Variants in PCDHGB2 observed in about 807,000 individuals in gnomAD.
The protein encoded by PCDHGB2 is protocadherin gamma-B2.
Under a neutral mutation model 59.3 loss-of-function variants are expected in PCDHGB2, and 55 were observed. The ratio of observed to expected loss-of-function variants is 0.93; its 90% CI spans 0.75 to 1.16. The LOEUF (loss-of-function observed/expected upper bound fraction) is 1.16. Among genes scored for constraint, PCDHGB2 ranks in the 50% most tolerant of loss-of-function variants. The probability of loss-of-function intolerance (pLI) is 0.00; values close to 1 mark genes in which losing one functional copy is unlikely to be tolerated. For missense variants in PCDHGB2, 1,228 were observed against 1,198.5 expected, an observed-to-expected ratio of 1.02 and a Z score of -0.36; for synonymous variants, 516 against 512.0, an observed-to-expected ratio of 1.01 and a Z score of -0.11.
intron 2 of PCDHGB2, among the ~76,000 whole-genome samples, chr5:141,495,430 C>A (rs1189953474): frequency 6.6e-6 from 1 of 152,220 alleles, no homozygotes; most frequent in Non-Finnish European, 1.5e-5. Context: ...TCCCACTGTC[C>A]TCTGCCCCTA....
At chr5:141,418,621 C>G (rs765634746) in intron 1 of PCDHGB2, 2 of 1,613,916 alleles carry the variant, frequency 1.2e-6, no homozygotes, top group Non-Finnish European at 1.7e-6. Flanking sequence ...TTCGGGAAGA[C>G]GTGCCTCCAG....
At chr5:141,367,065 T>C (rs1054536052) in intron 1 of PCDHGB2, 27 of 305,946 alleles carry the variant, frequency 8.8e-5, no homozygotes, top group African/African-American at 6.0e-4. Context: ...TTTTATTTAT[T>C]CAAATTGTTA....
intron 1 of PCDHGB2, chr5:141,423,625 A>G (rs375112361): frequency 1.6e-5 from 25 of 1,606,754 alleles, no homozygotes; most frequent in Admixed American, 6.8e-5. Flanking sequence ...AGACTCAGCT[A>G]TCATTTTAGG....
rs755321974 is a variant in PCDHGB2 at position 141,365,861 on chromosome 5, A to G, written c.2421+3305A>G. ...CTCCTATGTATCCATTAACTCTGAC[A>G]CCGGTGTCCTGTATGCTCTGAGATC... On this transcript the variant is annotated intron_variant, in intron 1 of 3. Coordinates refer to ENST00000522605, the MANE Select transcript of PCDHGB2 (RefSeq NM_018923.3). The G allele has an allele frequency of 2.5e-5, 40 of 1,613,912 alleles. No individual in the cohort carries two copies. The highest frequency in any genetic ancestry group is 1.6e-4 in the Middle Eastern group (1 of 6,084).
chr5:141,394,419 G>A, intron 1 of PCDHGB2: 1 of 1,614,224 alleles, frequency 6.2e-7, no homozygotes, highest in Non-Finnish European at 8.5e-7. Context: ...AACAGCCAGC[G>A]ACAGCGGGGA....
At chr5:141,504,709 C>G (rs11743102) in intron 2 of PCDHGB2, among the ~76,000 whole-genome samples, 29,287 of 151,306 alleles carry the variant, frequency 0.19, 2,876 homozygotes, top group Middle Eastern at 0.24. Context: ...CTTCTATGGC[C>G]GTGGATTTTA....
At chr5:141,399,656 T>G in intron 1 of PCDHGB2, 1 of 1,613,694 alleles carries the variant, frequency 6.2e-7, no homozygotes, top group Non-Finnish European at 8.5e-7. Context: ...AGTGGGGTGG[T>G]GTTCGCGCAG....
At chr5:141,415,437 G>A in intron 1 of PCDHGB2, 1 of 1,614,200 alleles carries the variant, frequency 6.2e-7, no homozygotes, top group Non-Finnish European at 8.5e-7. Flanking sequence ...GGGCTTTCCT[G>A]CAGACCTATT....
chr5:141,375,487 T>G, intron 1 of PCDHGB2: 1 of 1,613,830 alleles, frequency 6.2e-7, no homozygotes, highest in Non-Finnish European at 8.5e-7. Context: ...ACCCCAGGGG[T>G]GCCTCCATCT....
rs766191511 is a variant in PCDHGB2, at chr5:141,432,498, G to T, written c.2422-62309G>T. ...TCCACTGGCGTGGAGCTGGCTCCCC[G>T]CTCCGCAGAGCCCGGCTACCTGGTG... On this transcript the variant is annotated intron_variant, in intron 1 of 3. Coordinates refer to ENST00000522605, the MANE Select transcript of PCDHGB2 (RefSeq NM_018923.3). The surrounding 1 kb of genome is among the most constrained non-coding windows in gnomAD (Gnocchi z 6.0). The T allele has an allele frequency of 6.2e-7, 1 of 1,614,106 alleles. No homozygotes were observed. The highest frequency in any genetic ancestry group is 8.5e-7 in the Non-Finnish European group (1 of 1,180,052).
At chr5:141,459,531 A>G (rs1479666418) in intron 1 of PCDHGB2, among the ~76,000 whole-genome samples, 2 of 152,184 alleles carry the variant, frequency 1.3e-5, no homozygotes, top group Admixed American at 1.3e-4. Context: ...TTTTGTAGGC[A>G]TATTTTTTTT....
rs1430298222 is a variant in PCDHGB2, at chr5:141,476,741, A to C, written c.2422-18066A>C. ...CGCCCTGGACCGAGAACGGGAGCCTAGTCTCCAGTTAGTGCTGACGGCGTT... is the reference window on the plus strand; with the variant it reads ...CGCCCTGGACCGAGAACGGGAGCCTCGTCTCCAGTTAGTGCTGACGGCGTT... On this transcript the variant is annotated intron_variant, in intron 1 of 3. Coordinates refer to ENST00000522605, the MANE Select transcript of PCDHGB2 (RefSeq NM_018923.3). The surrounding 1 kb of genome is among the most constrained non-coding windows in gnomAD (Gnocchi z 7.6). 1 of 1,613,936 alleles carries C rather than the reference A, an allele frequency of 6.2e-7. No homozygotes were observed. Among genetic ancestry groups the C allele is most frequent in the South Asian group, 1.1e-5 (1 of 91,088 alleles).
rs561451935 is a variant in PCDHGB2 at position 141,423,179 on chromosome 5, G to A, written c.2421+60623G>A. 21 of 1,613,516 alleles carry A rather than the reference G, an allele frequency of 1.3e-5. No individual in the cohort carries two copies. The South Asian group carries it at 2.1e-4, about 16-fold the overall frequency. ...CTCGTGGTGGCCGTCCAGGACCACG[G>A]CCAGCCCCCTCTCTCGGCCACCGTC... On this transcript the variant is annotated intron_variant, in intron 1 of 3. Transcript: ENST00000522605.
In PCDHGB2 at chr5:141,423,272, T is replaced by C. The variant is rs372798900; in HGVS notation, c.2421+60716T>C. On this transcript the variant is annotated intron_variant, in intron 1 of 3. Coordinates refer to ENST00000522605, the MANE Select transcript of PCDHGB2 (RefSeq NM_018923.3). ...GCGGACCTCGGCAGCCTCGAGTCTC[T>C]GGCTAACTCTGAAACCTCAGACCTC... 36 of 1,613,586 alleles carry C rather than the reference T, an allele frequency of 2.2e-5. No individual in the cohort carries two copies. In the African/African-American group the frequency reaches 4.4e-4, roughly 20 times the overall value.
chr5:141,400,783 T>G (rs2094075214), intron 1 of PCDHGB2: 1 of 566,968 alleles, frequency 1.8e-6, no homozygotes, highest in African/African-American at 1.9e-5. Flanking sequence ...TGCGTTTTTT[T>G]GTCCTCTTTC....
At chr5:141,506,444 CAAAA>C (rs1219684339) in intron 3 of PCDHGB2, among the ~76,000 whole-genome samples, 5 of 95,022 alleles carry the variant, frequency 5.3e-5, no homozygotes, top group Admixed American at 1.1e-4. Context: ...CGCTCTGTCT[CAAAA>C]AAAAAAAAAA....
intron 1 of PCDHGB2, chr5:141,409,876 C>A: frequency 6.2e-7 from 1 of 1,612,874 alleles, no homozygotes. Flanking sequence ...GCAATGACAA[C>A]GCACCGCGGG....
rs767245444 is a variant in PCDHGB2, at chr5:141,393,478, G to A, written c.2421+30922G>A. 1 of 1,614,052 alleles carries A rather than the reference G, an allele frequency of 6.2e-7. No homozygotes were observed. On this transcript the variant is annotated intron_variant, in intron 1 of 3. Transcript: ENST00000522605. ...GCCTCGGATGGCGGCAAGCCGCCTC[G>A]CTCTAGCACAGTGCGCATCCACGTG... is the stretch of plus-strand genomic sequence containing the variant.
In PCDHGB2 at chr5:141,490,949, A is replaced by G. The variant is rs2074912; in HGVS notation, c.2422-3858A>G. On this transcript the variant is annotated intron_variant, in intron 1 of 3. Coordinates refer to ENST00000522605, the MANE Select transcript of PCDHGB2 (RefSeq NM_018923.3). The surrounding 1 kb of genome is among the most constrained non-coding windows in gnomAD (Gnocchi z 5.4). ...CCAGCTGTGCTGCACCCACGGCCAG[A>G]CTGGGAACACTCAGCCCCCCAGCGT... 0.21 allele frequency: 331,850 copies of G among 1,613,352 alleles called. 36,311 individuals carry two copies. The highest frequency in any genetic ancestry group is 0.37 in the Admixed American group (22,349 of 59,972).
Sources: gnomAD v4.1 joint callset for allele counts (sites outside exome capture counted in the v4.1 genomes callset) on GRCh38, gnomAD v4.1.1 for gene constraint, Gnocchi (gnomAD v3.1) non-coding constraint, MANE v1.5 for transcripts, NCBI Gene and HGNC (gene_info 2026-07-23, HGNC 2026-07-21) for gene names.